The following MGLL variants were observed in gnomAD, a reference collection of about 807,000 sequenced individuals.
The protein encoded by MGLL is monoglyceride lipase.
In MGLL, 7 loss-of-function variants were observed where a neutral mutation model predicts 29.1. The observed-to-expected ratio is 0.24, with a 90% confidence interval of 0.14 to 0.45. MGLL has a LOEUF of 0.45. Among genes scored for constraint, MGLL ranks in the 20% least tolerant of loss-of-function variants. The pLI is 0.99. For synonymous variants in MGLL, 148 were observed against 168.3 expected, an observed-to-expected ratio of 0.88 and a Z score of 0.93; for missense variants, 356 against 413.6, an observed-to-expected ratio of 0.86 and a Z score of 1.21.
At chr3:127,708,800 C>T (rs2075653799) in intron 6 of MGLL, among the ~76,000 whole-genome samples, 1 of 152,196 alleles carries the variant, frequency 6.6e-6, no homozygotes, top group Non-Finnish European at 1.5e-5. Context: ...GGAGCCCCTG[C>T]CCCACACTGA....
chr3:127,800,235 C>T (rs2077452357), intron 2 of MGLL, among the ~76,000 whole-genome samples: 1 of 152,162 alleles, frequency 6.6e-6, no homozygotes, highest in African/African-American at 2.4e-5. Context: ...GCCCAGTGAC[C>T]CTACCAACTT....
intron 3 of MGLL, among the ~76,000 whole-genome samples, chr3:127,749,613 G>A (rs2076518071): frequency 6.6e-6 from 1 of 152,170 alleles, no homozygotes; most frequent in Admixed American, 6.5e-5. Flanking sequence ...CCCCTCGCCA[G>A]TGCCTCTCAT....
intron 3 of MGLL, among the ~76,000 whole-genome samples, chr3:127,751,261 A>G (rs935010021): frequency 5.3e-5 from 8 of 152,196 alleles, no homozygotes; most frequent in African/African-American, 1.7e-4. Context: ...GCACCTGTCC[A>G]TGCCGCTCTG....
At chr3:127,693,224 C>T (rs1278218917) in intron 7 of MGLL, among the ~76,000 whole-genome samples, 9 of 152,308 alleles carry the variant, frequency 5.9e-5, no homozygotes, top group African/African-American at 1.7e-4. Flanking sequence ...ACCCAGGGGT[C>T]GTCCTTCATG....
chr3:127,805,251 C>A (rs182491583), intron 2 of MGLL, among the ~76,000 whole-genome samples: 1 of 152,296 alleles, frequency 6.6e-6, no homozygotes, highest in African/African-American at 2.4e-5. Flanking sequence ...TGGTGAAATG[C>A]CAAACGGATG....
At chr3:127,821,955 CCT>C (rs1180719593) in intron 1 of MGLL, 117 bp from the exon 2 acceptor site, 5 of 1,147,052 alleles carry the variant, frequency 4.4e-6, no homozygotes, top group Non-Finnish European at 4.9e-6. Context: ...TTAAAAAACC[CCT>C]CTGTTTCAAA....
rs116839791 is a variant in MGLL at position 127,738,798 on chromosome 3, G to A, written c.263-16232C>T. On this transcript the variant is annotated intron_variant, in intron 3 of 7. Coordinates refer to ENST00000265052, the MANE Select transcript of MGLL (RefSeq NM_007283.7). ...CTGGATGCCAACTGACAGTGTGACT[G>A]TATAAAGAAGCGGTCCCAATCTGCA... Among the ~76,000 whole-genome samples, 302 of 152,320 alleles carry A rather than the reference G, an allele frequency of 2.0e-3. 1 individual carries two copies. The highest frequency in any genetic ancestry group is 6.8e-3 in the African/African-American group (282 of 41,570).
intron 6 of MGLL, among the ~76,000 whole-genome samples, chr3:127,696,369 G>A (rs1424627585): frequency 6.9e-6 from 1 of 145,646 alleles, no homozygotes; most frequent in Non-Finnish European, 1.5e-5. Context: ...CAGGCCCATA[G>A]AGGGCAGGAG....
At chr3:127,740,887 G>A (rs78662325) in intron 3 of MGLL, among the ~76,000 whole-genome samples, 1 of 152,092 alleles carries the variant, frequency 6.6e-6, no homozygotes, top group Non-Finnish European at 1.5e-5. Flanking sequence ...GCCAGGCAGG[G>A]CCTAGGGGAG....
chr3:127,805,391 G>T (rs906985740), intron 2 of MGLL, among the ~76,000 whole-genome samples: 4 of 152,152 alleles, frequency 2.6e-5, no homozygotes, highest in Non-Finnish European at 4.4e-5. Context: ...GACCTGAAGG[G>T]GCATCTGCAG....
chr3:127,744,377 G>A (rs1335419561), intron 3 of MGLL, among the ~76,000 whole-genome samples: 1 of 152,168 alleles, frequency 6.6e-6, no homozygotes, highest in African/African-American at 2.4e-5. Flanking sequence ...TTCAGAAAGC[G>A]GTAAGTGGCT....
intron 2 of MGLL, among the ~76,000 whole-genome samples, chr3:127,817,489 T>C (rs776574668): frequency 2.0e-4 from 30 of 152,154 alleles, no homozygotes; most frequent in Middle Eastern, 3.4e-3. Context: ...AAGATGAGAG[T>C]GAGATGTGTC....
intron 2 of MGLL, among the ~76,000 whole-genome samples, chr3:127,800,856 T>G (rs896955090): frequency 1.1e-4 from 16 of 152,240 alleles, no homozygotes; most frequent in African/African-American, 3.4e-4. Context: ...CAACAAGAAA[T>G]CCCTTCAACT....
chr3:127,787,101 C>T (rs1007915300), intron 2 of MGLL, among the ~76,000 whole-genome samples: 6 of 152,356 alleles, frequency 3.9e-5, no homozygotes, highest in South Asian at 2.1e-4. Flanking sequence ...TCATGACCAT[C>T]CTCTCTGCCT....
chr3:127,705,593 A>C (rs1398651846), intron 6 of MGLL, among the ~76,000 whole-genome samples: 1 of 151,966 alleles, frequency 6.6e-6, no homozygotes, highest in Non-Finnish European at 1.5e-5. Flanking sequence ...CCTGACCACC[A>C]TGGAGAAACC....
At chr3:127,705,690 C>A (rs189141264) in intron 6 of MGLL, among the ~76,000 whole-genome samples, 2 of 151,034 alleles carry the variant, frequency 1.3e-5, no homozygotes, top group Non-Finnish European at 2.9e-5. Flanking sequence ...GCAGGAGAAT[C>A]GCTTGAATCT....
intron 2 of MGLL, among the ~76,000 whole-genome samples, chr3:127,817,903 C>T (rs2077785317): frequency 6.6e-6 from 1 of 152,264 alleles, no homozygotes; most frequent in African/African-American, 2.4e-5. Flanking sequence ...CATCCATGGG[C>T]CAGTCTCCAT....
intron 3 of MGLL, among the ~76,000 whole-genome samples, chr3:127,747,816 TCTC>T (rs1335659676): frequency 5.9e-5 from 9 of 152,076 alleles, no homozygotes; most frequent in Non-Finnish European, 1.3e-4. Flanking sequence ...GGAGCGGGCT[TCTC>T]CTTCCACACC....
chr3:127,801,875 A>C (rs925127097), intron 2 of MGLL, among the ~76,000 whole-genome samples: 2 of 151,608 alleles, frequency 1.3e-5, no homozygotes, highest in Non-Finnish European at 2.9e-5. Flanking sequence ...AGTAGCTGGA[A>C]GGCTGCTGTG....
Sources: allele counts gnomAD v4.1 joint callset (sites outside exome capture counted in the v4.1 genomes callset), GRCh38; gene constraint gnomAD v4.1.1; transcripts MANE v1.5; gene names NCBI Gene and HGNC (gene_info 2026-07-23, HGNC 2026-07-21).